NFYB: variants seen among roughly 807,000 people sequenced by gnomAD.
NFYB encodes CAAT box DNA-binding protein subunit B.
A neutral mutation model predicts 28.0 loss-of-function variants in NFYB; 13 were observed. That is an observed-to-expected ratio of 0.46 (90% CI 0.30 to 0.74). The LOEUF is 0.74. Ranked by LOEUF, NFYB falls within the 30% of genes least tolerant of loss-of-function variation. The pLI is 0.07. For missense variants in NFYB, 142 were observed against 247.6 expected (o/e 0.57, Z 2.86); for synonymous variants, 74 against 75.0 (o/e 0.99, Z 0.07).
chr12:104,122,546 G>C (rs999531379), intron 5 of NFYB, among the ~76,000 whole-genome samples: 1 of 152,186 alleles, frequency 6.6e-6, no homozygotes, highest in Non-Finnish European at 1.5e-5. Flanking sequence ...CAGCGGCCAC[G>C]TGAGATTCTC....
chr12:104,117,952 A>T lies in NFYB; in HGVS notation c.*1785T>A, dbSNP rs2030323194. Reference sequence around the variant, plus strand: ...TTTAAGAAAACAGTCATGGATGTACATGGGATTCAGTGAAGTGCTGTTTAT... The same window carrying T: ...TTTAAGAAAACAGTCATGGATGTACTTGGGATTCAGTGAAGTGCTGTTTAT... On this transcript the variant is annotated 3_prime_UTR_variant, in exon 8 of 8. Coordinates refer to ENST00000240055, the MANE Select transcript of NFYB (RefSeq NM_006166.4). 1 of 152,214 alleles carries T rather than the reference A, an allele frequency of 6.6e-6. No homozygotes were observed. The highest frequency in any genetic ancestry group is 2.4e-5 in the African/African-American group (1 of 41,458). The allele number at this position is 152,214 out of a possible 1,614,324, so 9.4% of individuals were successfully genotyped here.
rs2030707278 is a variant in NFYB, at chr12:104,126,175, A to G, written c.170T>C (p.Ile57Thr). Residue 57 changes from isoleucine (I) to threonine (T), a missense_variant, in exon 4 of 8, where the codon ATA (isoleucine) becomes ACA (threonine). Ile to Thr is a moderately conservative substitution (Grantham distance 89, BLOSUM62 -1). Coordinates refer to ENST00000240055, the MANE Select transcript of NFYB (RefSeq NM_006166.4). ...GSKESFREQD[I>T]YLPIANVARI... is the part of the protein sequence containing the mutation. ...AGCCACGTTTGCTATTGGAAGATATATATCTTGTTCTCTGAAACTTTCTTT... is the reference window on the plus strand; with the variant it reads ...AGCCACGTTTGCTATTGGAAGATATGTATCTTGTTCTCTGAAACTTTCTTT... The G allele has an allele frequency of 6.2e-7, 1 of 1,606,980 alleles. No individual in the cohort carries two copies. The highest frequency in any genetic ancestry group is 8.5e-7 in the Non-Finnish European group (1 of 1,177,052).
chr12:104,137,027 A>AC (rs1390023839), intron 1 of NFYB, among the ~76,000 whole-genome samples: 1 of 151,882 alleles, frequency 6.6e-6, no homozygotes. Flanking sequence ...TTACAAATAA[A>AC]CCCCCCACTG....
rs536982251 is a variant in NFYB at position 104,121,331 on chromosome 12, G to GA, written c.430-11dup. The GA allele has an allele frequency of 0.024, 27,481 of 1,143,536 alleles. No homozygotes were observed. The highest frequency in any genetic ancestry group is 0.026 in the South Asian group (1,626 of 62,306). The allele number at this position is 1,143,536 out of a possible 1,614,324, so 70.8% of individuals were successfully genotyped here. ...TTTCTCCTTTCATAGCCTGAGGAAG[G>GA]AAAAAAAAAAAGTCACTGATATTCA... On this transcript the variant is annotated splice_polypyrimidine_tract_variant and intron_variant, in intron 5 of 7. Coordinates refer to ENST00000240055, the MANE Select transcript of NFYB (RefSeq NM_006166.4).
intron 2 of NFYB, among the ~76,000 whole-genome samples, chr12:104,132,454 G>A (rs2030960039): frequency 6.6e-6 from 1 of 152,144 alleles, no homozygotes; most frequent in Non-Finnish European, 1.5e-5. Context: ...CCGACCTGGA[G>A]GGGAGCACAA....
rs2030328344 is a variant in NFYB, at chr12:104,118,064, TAAAAA to T, written c.*1668_*1672del. On this transcript the variant is annotated 3_prime_UTR_variant, in exon 8 of 8. Coordinates refer to ENST00000240055, the MANE Select transcript of NFYB (RefSeq NM_006166.4). ...GTCATACAGCAGAATAATAAACCAATAAAAATGATGCAGAAGACTATGCATGACCT... is the reference window on the plus strand; with the variant it reads ...GTCATACAGCAGAATAATAAACCAATTGATGCAGAAGACTATGCATGACCT... 6.6e-6 allele frequency: 1 copy of T among 152,050 alleles called. No homozygotes were observed. The highest frequency in any genetic ancestry group is 6.5e-5 in the Admixed American group (1 of 15,270). 9.4% of individuals were successfully genotyped at this position (152,050 alleles called of 1,614,324 possible).
intron 2 of NFYB, chr12:104,131,490 C>A: frequency 3.9e-6 from 1 of 255,036 alleles, no homozygotes; most frequent in Non-Finnish European, 7.9e-6. Context: ...CTGATTTATC[C>A]TTTCTGCAAT....
chr12:104,128,076 A>C (rs2030787455), intron 3 of NFYB, among the ~76,000 whole-genome samples: 1 of 152,194 alleles, frequency 6.6e-6, no homozygotes, highest in Non-Finnish European at 1.5e-5. Flanking sequence ...AATAGCTAGA[A>C]ATTTAACTCA....
At chr12:104,136,709 G>A (rs1260632319) in intron 1 of NFYB, among the ~76,000 whole-genome samples, 2 of 152,118 alleles carry the variant, frequency 1.3e-5, no homozygotes, top group East Asian at 3.8e-4. Context: ...CACCCAAATA[G>A]TTGATTCAGT....
At chr12:104,133,790 T>C (rs944356187) in intron 2 of NFYB, among the ~76,000 whole-genome samples, 8 of 152,172 alleles carry the variant, frequency 5.3e-5, no homozygotes, top group Non-Finnish European at 2.9e-5. Context: ...TAATGTATCT[T>C]CAATCCTCCT....
intron 2 of NFYB, among the ~76,000 whole-genome samples, chr12:104,133,555 A>G (rs539843349): frequency 6.6e-6 from 1 of 152,296 alleles, no homozygotes; most frequent in African/African-American, 2.4e-5. Context: ...TTTTAAAGTG[A>G]TGTTGCTATG....
rs1357149684 is a variant in NFYB at position 104,121,246 on chromosome 12, C to A, written c.505G>T (p.Ala169Ser). The change falls in exon 6 of 8, where the codon GCA (alanine) becomes TCA (serine). Residue 169 changes from alanine to serine, a missense_variant. By Grantham distance (99) the Ala-to-Ser change is moderately conservative. Transcript: ENST00000240055. The stretch of plus-strand genomic sequence containing the variant: ...GTATTATAACAATGCTTACTAAATG[C>A]CTCCTCTGTAAGCTCTTCACTTAGT... ...DGLSEELTEE[A>S]FTNQLPAGLI... is the part of the protein sequence containing the mutation. 1 of 1,609,688 alleles carries A rather than the reference C, an allele frequency of 6.2e-7. No individual in the cohort carries two copies. The highest frequency in any genetic ancestry group is 1.3e-5 in the African/African-American group (1 of 74,792).
chr12:104,123,214 T>C lies in NFYB; in HGVS notation c.429+12A>G. ...AGAAAAAAAAAAGCACAATGGGAGATATTTTATTTACCTCTCTGAATTTCT... is the reference window on the plus strand; with the variant it reads ...AGAAAAAAAAAAGCACAATGGGAGACATTTTATTTACCTCTCTGAATTTCT... On this transcript the variant is annotated intron_variant, in intron 5 of 7. Coordinates refer to ENST00000240055, the MANE Select transcript of NFYB (RefSeq NM_006166.4). 2 of 1,582,244 alleles carry C rather than the reference T, an allele frequency of 1.3e-6. No individual in the cohort carries two copies. The highest frequency in any genetic ancestry group is 2.3e-5 in the South Asian group (2 of 86,130).
rs770888981 is a variant in NFYB at position 104,123,543 on chromosome 12, AAT to A, written c.232-122_232-121del. The A allele has an allele frequency of 7.9e-4, 571 of 719,296 alleles. 3 individuals carry two copies. The highest frequency in any genetic ancestry group is 1.6e-4 in the Non-Finnish European group (71 of 435,500). 44.6% of individuals were successfully genotyped at this position (719,296 alleles called of 1,614,324 possible). A position where few individuals can be genotyped will look rare whatever the true frequency, so the allele number is the denominator to read the frequency against. ...CACTTTATGACTATTTAATCTCTTA[AAT>A]ATATGTTATAACATTAACACAATGT... On this transcript the variant is annotated intron_variant, in intron 4 of 7. Coordinates refer to ENST00000240055, the MANE Select transcript of NFYB (RefSeq NM_006166.4).
intron 2 of NFYB, among the ~76,000 whole-genome samples, chr12:104,133,927 AGTT>A (rs1421472033): frequency 3.9e-5 from 6 of 152,260 alleles, no homozygotes; most frequent in Admixed American, 6.5e-5. Context: ...TTGCCCTGAC[AGTT>A]GTTAAGACAC....
intron 1 of NFYB, chr12:104,137,888 G>A (rs935730754): frequency 6.8e-6 from 1 of 146,516 alleles, no homozygotes; most frequent in Non-Finnish European, 1.5e-5. Context: ...CCTGGCCCGC[G>A]TCCCGCCGCT....
At chr12:104,121,993 C>A (rs2030493444) in intron 5 of NFYB, among the ~76,000 whole-genome samples, 1 of 152,162 alleles carries the variant, frequency 6.6e-6, no homozygotes, top group African/African-American at 2.4e-5. Context: ...TTCCTACAGG[C>A]AAAGATAAAC....
chr12:104,121,376 T>C, intron 5 of NFYB, 55 bp from the exon 6 acceptor site: 2 of 1,444,314 alleles, frequency 1.4e-6, no homozygotes, highest in Non-Finnish European at 1.9e-6. Flanking sequence ...GTCTTCCAAA[T>C]GCAAATGCTT....
rs1162721409 is a variant in NFYB, at chr12:104,119,524, A to G, written c.*213T>C. On this transcript the variant is annotated 3_prime_UTR_variant, in exon 8 of 8. Coordinates refer to ENST00000240055, the MANE Select transcript of NFYB (RefSeq NM_006166.4). ...TCGTACAAAACAAAAATATTTTAAT[A>G]CCTTTAAAATCCAAATTTTTCTTTA... 1 of 458,788 alleles carries G rather than the reference A, an allele frequency of 2.2e-6. No individual in the cohort carries two copies. The highest frequency in any genetic ancestry group is 1.9e-5 in the African/African-American group (1 of 51,626). The allele number at this position is 458,788 out of a possible 1,614,324, so 28.4% of individuals were successfully genotyped here.
Sources: allele counts gnomAD v4.1 joint callset (sites outside exome capture counted in the v4.1 genomes callset), GRCh38; gene constraint gnomAD v4.1.1; transcripts MANE v1.5; gene names NCBI Gene and HGNC (gene_info 2026-07-23, HGNC 2026-07-21).